Variants in RORA observed in about 807,000 individuals in gnomAD.
The protein encoded by RORA is nuclear receptor ROR-alpha.
RORA carries 7 observed loss-of-function variants against 69.5 expected under a neutral mutation model. The ratio of observed to expected loss-of-function variants is 0.10; its 90% CI spans 0.06 to 0.19. RORA has a LOEUF of 0.19. Ranked by LOEUF, RORA falls within the 10% of genes least tolerant of loss-of-function variation. The pLI, the probability that RORA is intolerant of heterozygous loss-of-function variation, is 1.00. For synonymous variants in RORA, 261 were observed against 240.8 expected (o/e 1.08, Z -0.78); for missense variants, 457 against 663.0 (o/e 0.69, Z 3.41).
intron 1 of RORA, among the ~76,000 whole-genome samples, chr15:61,125,957 T>C (rs1382413539): frequency 1.3e-5 from 2 of 152,272 alleles, no homozygotes; most frequent in Non-Finnish European, 2.9e-5. Context: ...GTTGGGAAGC[T>C]GTGCTATGAT....
At chr15:61,036,649 A>G (rs1896472698) in intron 1 of RORA, among the ~76,000 whole-genome samples, 1 of 152,010 alleles carries the variant, frequency 6.6e-6, no homozygotes, top group Admixed American at 6.6e-5. Context: ...TTCTCTCTAA[A>G]AATGTTTTCA....
At chr15:60,942,478 C>T (rs942121326) in intron 1 of RORA, among the ~76,000 whole-genome samples, 3 of 152,196 alleles carry the variant, frequency 2.0e-5, no homozygotes, top group Non-Finnish European at 4.4e-5. Context: ...CAATTATTTG[C>T]CCATGGATGA....
intron 1 of RORA, among the ~76,000 whole-genome samples, chr15:61,115,045 G>A (rs1198000102): frequency 1.3e-5 from 2 of 152,194 alleles, no homozygotes. Context: ...CATGTTGCGT[G>A]TACAGTAGGC....
chr15:60,782,690 T>A (rs1320212388), intron 1 of RORA, among the ~76,000 whole-genome samples: 1 of 152,186 alleles, frequency 6.6e-6, no homozygotes, highest in Non-Finnish European at 1.5e-5. Flanking sequence ...CTCTCTCAAA[T>A]GTGGCCCTAA....
At chr15:60,593,190 A>G (rs963400445) in intron 2 of RORA, 1 of 275,798 alleles carries the variant, frequency 3.6e-6, no homozygotes, top group Non-Finnish European at 7.2e-6. Flanking sequence ...ATTGGCAGTT[A>G]TACCAATAAC....
intron 1 of RORA, among the ~76,000 whole-genome samples, chr15:60,884,196 G>C (rs1595790862): frequency 6.6e-6 from 1 of 151,698 alleles, no homozygotes; most frequent in Middle Eastern, 3.4e-3. Flanking sequence ...GGATCCCAAA[G>C]AGAGAAAGAG....
intron 2 of RORA, among the ~76,000 whole-genome samples, chr15:60,667,741 T>C (rs971844966): frequency 6.6e-6 from 1 of 152,046 alleles, no homozygotes; most frequent in African/African-American, 2.4e-5. Flanking sequence ...CACCTCAGCA[T>C]CCTGAGTAGC....
At chr15:61,117,593 T>C (rs2079062147) in intron 1 of RORA, among the ~76,000 whole-genome samples, 1 of 152,246 alleles carries the variant, frequency 6.6e-6, no homozygotes, top group Non-Finnish European at 1.5e-5. Flanking sequence ...TTTTATACTC[T>C]ATAGAATTGT....
At chr15:61,149,237 C>T (rs1387724377) in intron 1 of RORA, among the ~76,000 whole-genome samples, 1 of 152,178 alleles carries the variant, frequency 6.6e-6, no homozygotes, top group Non-Finnish European at 1.5e-5. Context: ...TACTGAAGGT[C>T]TGCAGAGCCA....
chr15:61,055,805 C>G (rs560500585), intron 1 of RORA, among the ~76,000 whole-genome samples: 1 of 152,342 alleles, frequency 6.6e-6, no homozygotes, highest in East Asian at 1.9e-4. Flanking sequence ...GGATTTGAGA[C>G]ACGTTTTCAG....
chr15:60,954,056 T>C (rs1893189383), intron 1 of RORA, among the ~76,000 whole-genome samples: 2 of 144,302 alleles, frequency 1.4e-5, no homozygotes, highest in Admixed American at 1.4e-4. Flanking sequence ...TGTACAACAA[T>C]GATAGACTGG....
chr15:61,079,425 C>T (rs1478805115), intron 1 of RORA, among the ~76,000 whole-genome samples: 1 of 152,118 alleles, frequency 6.6e-6, no homozygotes, highest in African/African-American at 2.4e-5. Flanking sequence ...TGACTTTATT[C>T]CCCTGATGGC....
At chr15:61,139,062 C>T (rs1470626257) in intron 1 of RORA, among the ~76,000 whole-genome samples, 6 of 151,330 alleles carry the variant, frequency 4.0e-5, no homozygotes, top group South Asian at 2.1e-4. Context: ...GAGAACGGCA[C>T]GAACCCAGGA....
At chr15:60,682,850 T>C (rs1313456858) in intron 1 of RORA, among the ~76,000 whole-genome samples, 4 of 152,310 alleles carry the variant, frequency 2.6e-5, no homozygotes, top group South Asian at 4.1e-4. Context: ...TCTACAGAGA[T>C]AGGGACTTGA....
At chr15:61,112,517 G>A (rs1426300865) in intron 1 of RORA, among the ~76,000 whole-genome samples, 3 of 152,156 alleles carry the variant, frequency 2.0e-5, no homozygotes, top group African/African-American at 7.2e-5. Flanking sequence ...GAGAAAGGAC[G>A]TTTTGAGGCA....
intron 1 of RORA, among the ~76,000 whole-genome samples, chr15:61,082,213 G>A (rs890549650): frequency 6.6e-6 from 1 of 152,224 alleles, no homozygotes; most frequent in Admixed American, 6.5e-5. Context: ...ATTTGGCCGG[G>A]CGCAGTGGCT....
intron 1 of RORA, among the ~76,000 whole-genome samples, chr15:61,112,926 G>A (rs867016318): frequency 2.0e-5 from 3 of 152,202 alleles, no homozygotes; most frequent in South Asian, 2.1e-4. Flanking sequence ...GCTTGTCAAT[G>A]TCCTCTTTAA....
chr15:60,824,076 TG>T (rs1337740924), intron 1 of RORA, among the ~76,000 whole-genome samples: 1 of 152,154 alleles, frequency 6.6e-6, no homozygotes, highest in Admixed American at 6.5e-5. Context: ...CACAGGCCGG[TG>T]GAATGCATGC....
chr15:60,832,197 G>C (rs893517647), intron 1 of RORA, among the ~76,000 whole-genome samples: 2 of 152,190 alleles, frequency 1.3e-5, no homozygotes, highest in African/African-American at 4.8e-5. Flanking sequence ...AAAATGAGAT[G>C]TAACTACAAA....
Sources: allele counts gnomAD v4.1 joint callset (sites outside exome capture counted in the v4.1 genomes callset), GRCh38; gene constraint gnomAD v4.1.1; transcripts MANE v1.5; gene names NCBI Gene and HGNC (gene_info 2026-07-23, HGNC 2026-07-21).